PRR5L: variants seen among roughly 807,000 people sequenced by gnomAD.
PRR5L encodes the protein proline rich 5 like.
PRR5L carries 21 observed loss-of-function variants against 36.4 expected under a neutral mutation model. That is an observed-to-expected ratio of 0.58 (90% confidence interval 0.41 to 0.83). PRR5L has a LOEUF of 0.83. Among genes scored for constraint, PRR5L ranks in the 40% least tolerant of loss-of-function variants. The probability of loss-of-function intolerance (pLI) is 0.00; values close to 1 mark genes in which losing one functional copy is unlikely to be tolerated. For synonymous variants in PRR5L, 188 were observed against 197.0 expected (o/e 0.95, Z 0.38); for missense variants, 381 against 473.3 (o/e 0.80, Z 1.81).
At chr11:36,383,717 A>C (rs1444758598) in intron 1 of PRR5L, among the ~76,000 whole-genome samples, 1 of 112,654 alleles carries the variant, frequency 8.9e-6, no homozygotes. Flanking sequence ...TTTTTTTGAG[A>C]TGGAGTCTCG....
chr11:36,329,919 C>T (rs192861912), intron 1 of PRR5L, among the ~76,000 whole-genome samples: 21 of 152,292 alleles, frequency 1.4e-4, no homozygotes, highest in Middle Eastern at 3.4e-3. Flanking sequence ...TTTTCCAAGA[C>T]GGCTTTTTAA....
intron 1 of PRR5L, among the ~76,000 whole-genome samples, chr11:36,384,610 A>G (rs330253): frequency 0.59 from 89,399 of 151,802 alleles, 26,922 homozygotes; most frequent in Non-Finnish European, 0.66. Flanking sequence ...ACTACCTGAG[A>G]AGAAATTTCC....
At chr11:36,329,135 C>T (rs1035656707) in intron 1 of PRR5L, 2 of 152,020 alleles carry the variant, frequency 1.3e-5, no homozygotes, top group African/African-American at 4.8e-5. Flanking sequence ...TGCAGCCAGT[C>T]AAGAAGATTT....
chr11:36,462,105 T>G (rs1859198225), intron 8 of PRR5L, among the ~76,000 whole-genome samples: 1 of 152,202 alleles, frequency 6.6e-6, no homozygotes, highest in African/African-American at 2.4e-5. Flanking sequence ...AGTCTGTTGG[T>G]GACCACCTAA....
chr11:36,341,774 C>T (rs138040114), intron 1 of PRR5L, among the ~76,000 whole-genome samples: 5 of 152,324 alleles, frequency 3.3e-5, no homozygotes, highest in Admixed American at 3.3e-4. Flanking sequence ...GAGGTCAAGT[C>T]GTTGGGCTCT....
intron 1 of PRR5L, among the ~76,000 whole-genome samples, chr11:36,348,775 G>A (rs1464778907): frequency 2.9e-4 from 44 of 152,246 alleles, no homozygotes; most frequent in Non-Finnish European, 8.8e-5. Context: ...AATCAATATT[G>A]AATGACATCA....
rs771896701 is a variant in PRR5L at position 36,382,505 on chromosome 11, C to T, written c.-125-18492C>T. Among the ~76,000 whole-genome samples the T allele has an allele frequency of 1.6e-3, 250 of 152,290 alleles. 1 individual carries two copies. The highest frequency in any genetic ancestry group is 2.1e-3 in the Non-Finnish European group (144 of 68,024). On this transcript the variant is annotated intron_variant, in intron 1 of 8. Transcript: ENST00000530639. ...GGAGATCCTGTTAAACCACAGAATCCGATTCAGTAGGTCTGGGCTGGTGCC... is the reference window on the plus strand; with the variant it reads ...GGAGATCCTGTTAAACCACAGAATCTGATTCAGTAGGTCTGGGCTGGTGCC...
chr11:36,327,672 A>ATG, intron 1 of PRR5L, among the ~76,000 whole-genome samples: 1 of 152,196 alleles, frequency 6.6e-6, no homozygotes, highest in African/African-American at 2.4e-5. Context: ...CTCTAAGCAT[A>ATG]GTCACCTATG....
At position 36,462,237 on chromosome 11, in the gene PRR5L, T is replaced by C. The variant is rs549919099; in HGVS notation, c.713-105T>C. The C allele has an allele frequency of 3.0e-5, 34 of 1,126,958 alleles. No individual in the cohort carries two copies. The African/African-American group carries it at 5.0e-4, about 17-fold the overall frequency. The allele number at this position is 1,126,958 out of a possible 1,614,324, so 69.8% of individuals were successfully genotyped here. The stretch of plus-strand genomic sequence containing the variant: ...TGGCAGGGCTGCACCTAAGAGCTGC[T>C]CCTAAAGGTTGAGCACCTTGTTCTT... On this transcript the variant is annotated intron_variant, in intron 8 of 8. Coordinates refer to ENST00000530639, the MANE Select transcript of PRR5L (RefSeq NM_001160167.2).
intron 7 of PRR5L, among the ~76,000 whole-genome samples, chr11:36,450,179 C>G (rs1279920036): frequency 6.6e-6 from 1 of 152,206 alleles, no homozygotes; most frequent in Admixed American, 6.5e-5. Flanking sequence ...CAGGAGTCAG[C>G]CCTTCCTGCC....
intron 1 of PRR5L, among the ~76,000 whole-genome samples, chr11:36,398,151 C>T (rs1590534286): frequency 6.6e-6 from 1 of 152,154 alleles, no homozygotes; most frequent in African/African-American, 2.4e-5. Context: ...TGCAGAATGG[C>T]CTAGGTGGGA....
At chr11:36,349,611 TGAG>T (rs1390212133) in intron 1 of PRR5L, among the ~76,000 whole-genome samples, 1 of 152,190 alleles carries the variant, frequency 6.6e-6, no homozygotes, top group Non-Finnish European at 1.5e-5. Context: ...GCAGAAACAA[TGAG>T]CCTACCCCAG....
intron 1 of PRR5L, chr11:36,329,339 G>A (rs1392219178): frequency 6.6e-6 from 1 of 152,136 alleles, no homozygotes; most frequent in Non-Finnish European, 1.5e-5. Context: ...AGAGCTTCGG[G>A]AAAAGGGCAG....
intron 3 of PRR5L, among the ~76,000 whole-genome samples, chr11:36,407,256 G>T (rs1012398649): frequency 2.0e-5 from 3 of 152,182 alleles, no homozygotes; most frequent in Non-Finnish European, 2.9e-5. Flanking sequence ...TTGGGAGGCT[G>T]AGGCAGGAGG....
At chr11:36,453,705 C>T (rs1858989253) in intron 8 of PRR5L, among the ~76,000 whole-genome samples, 1 of 152,178 alleles carries the variant, frequency 6.6e-6, no homozygotes, top group Non-Finnish European at 1.5e-5. Context: ...GGCAGTGTCT[C>T]ATCAGTGTAC....
At chr11:36,441,500 CCT>C (rs1221007608) in intron 6 of PRR5L, among the ~76,000 whole-genome samples, 3 of 152,222 alleles carry the variant, frequency 2.0e-5, no homozygotes, top group Non-Finnish European at 4.4e-5. Flanking sequence ...CAGCTCTGCC[CCT>C]GTGGCTTTGA....
intron 3 of PRR5L, among the ~76,000 whole-genome samples, chr11:36,404,338 C>T (rs1233066511): frequency 6.7e-6 from 1 of 148,182 alleles, no homozygotes; most frequent in East Asian, 2.0e-4. Flanking sequence ...GTGGTACCAT[C>T]TGGGCTCACT....
intron 1 of PRR5L, among the ~76,000 whole-genome samples, chr11:36,399,293 T>G (rs982097333): frequency 2.0e-5 from 3 of 152,240 alleles, no homozygotes; most frequent in African/African-American, 7.2e-5. Flanking sequence ...ATAAGTCTGC[T>G]TTCCTTAAAA....
chr11:36,464,349 C>T lies in PRR5L; in HGVS notation c.*1613C>T, dbSNP rs1231909018. On this transcript the variant is annotated 3_prime_UTR_variant, in exon 9 of 9. Transcript: ENST00000530639. ...GTGATGAGACCTTCTCATTATGTAACTCTTGATGGCATTTCCCTTCTGAGT... is the reference window on the plus strand; with the variant it reads ...GTGATGAGACCTTCTCATTATGTAATTCTTGATGGCATTTCCCTTCTGAGT... The T allele has an allele frequency of 6.6e-6, 1 of 152,186 alleles. No individual in the cohort carries two copies. Among genetic ancestry groups the T allele is most frequent in the Non-Finnish European group, 1.5e-5 (1 of 68,038 alleles). 9.4% of individuals were successfully genotyped at this position (152,186 alleles called of 1,614,324 possible).
Sources: gnomAD v4.1 joint callset for allele counts (sites outside exome capture counted in the v4.1 genomes callset) on GRCh38, gnomAD v4.1.1 for gene constraint, MANE v1.5 for transcripts, NCBI Gene and HGNC (gene_info 2026-07-23, HGNC 2026-07-21) for gene names.